CUL4B: variants seen among roughly 807,000 people sequenced by gnomAD.
CUL4B encodes the protein cullin-4B.
A neutral mutation model predicts 69.2 loss-of-function variants in CUL4B; 1 was observed. The ratio of observed to expected loss-of-function variants is 0.01; its 90% CI spans 0.01 to 0.07. The LOEUF (loss-of-function observed/expected upper bound fraction) is 0.07, where lower values mean the gene tolerates loss of function less well. Among genes scored for constraint, CUL4B ranks in the 10% least tolerant of loss-of-function variants. The pLI is 1.00. For synonymous variants in CUL4B, 237 were observed against 223.2 expected (o/e 1.06, Z -0.55); for missense variants, 328 against 638.8 (o/e 0.51, Z 5.24).
chrX:120,555,471 T>C (rs1196774481), intron 2 of CUL4B, among the ~76,000 whole-genome samples: 10 of 111,703 alleles, frequency 9.0e-5, no homozygotes, highest in Admixed American at 9.5e-5. Context: ...ATTTAATTGT[T>C]TCAAACACTG....
intron 16 of CUL4B, 149 bp downstream of exon 16, chrX:120,535,681 G>A: frequency 2.4e-6 from 1 of 410,235 alleles, no homozygotes; most frequent in Non-Finnish European, 4.1e-6. Context: ...ACTCCACTCT[G>A]GTGACAGAGT....
downstream of CUL4B, among the ~76,000 whole-genome samples, chrX:120,569,329 C>G (rs1855924813): frequency 9.1e-6 from 1 of 109,507 alleles, no homozygotes; most frequent in Admixed American, 9.7e-5. Flanking sequence ...AAATGCCCAA[C>G]TTTTAAATTA....
chrX:120,552,814 A>C (rs1924762594), intron 2 of CUL4B, among the ~76,000 whole-genome samples: 1 of 112,533 alleles, frequency 8.9e-6, no homozygotes, highest in African/African-American at 3.2e-5. Flanking sequence ...GTGGAGTCTT[A>C]GTTTTCGAGC....
In CUL4B at chrX:120,560,510, G is replaced by A; in HGVS notation, c.129C>T (p.Ser43=). The part of the protein sequence containing the change: ...PTSAKKRKLN[S]SSSSSSNSSN... ...TACTGTTACTGCTGCTACTGCTGCT[G>A]CTGTTTAACTTTCTCTTCTTGGCAG... Residue 43 remains serine, a synonymous_variant, in exon 1 of 20, where the codon AGC becomes AGT. Transcript: ENST00000371322. 1.2e-5 allele frequency: 15 copies of A among 1,210,755 alleles called. No homozygotes were observed. The highest frequency in any genetic ancestry group is 1.7e-5 in the Non-Finnish European group (15 of 894,902).
intron 2 of CUL4B, among the ~76,000 whole-genome samples, chrX:120,572,314 AATT>A (rs1317256118): frequency 9.2e-6 from 1 of 108,351 alleles, no homozygotes; most frequent in African/African-American, 3.4e-5. Context: ...AAAAATATAA[AATT>A]AGCCGGGTGT....
chrX:120,555,692 A>T (rs1924919770), intron 2 of CUL4B, among the ~76,000 whole-genome samples: 1 of 110,532 alleles, frequency 9.0e-6, no homozygotes, highest in Admixed American at 9.7e-5. Flanking sequence ...CTGTAATCCC[A>T]GCACCTTGGG....
At chrX:120,555,867 G>A (rs1209507407) in intron 2 of CUL4B, among the ~76,000 whole-genome samples, 4 of 105,264 alleles carry the variant, frequency 3.8e-5, no homozygotes, top group Admixed American at 1.0e-4. Context: ...ACTTGAGCCC[G>A]GGAGGTGGAG....
chrX:120,557,879 C>T, intron 2 of CUL4B, 45 bp downstream of exon 2: 3 of 896,671 alleles, frequency 3.3e-6, no homozygotes, highest in Non-Finnish European at 4.8e-6. Flanking sequence ...TACATCCCAC[C>T]TCAATTTATG....
At chrX:120,538,921 A>T (rs1923823635) in intron 12 of CUL4B, 151 bp from the exon 13 acceptor site, 1 of 445,471 alleles carries the variant, frequency 2.2e-6, no homozygotes. Flanking sequence ...AACAGTAGAG[A>T]TCCATTTTTG....
At chrX:120,543,849 T>C in intron 7 of CUL4B, 40 bp from the exon 8 acceptor site, 1 of 999,312 alleles carries the variant, frequency 1.0e-6, no homozygotes, top group African/African-American at 1.9e-5. Flanking sequence ...TTCCTCCCCA[T>C]AAATCATTCA....
intron 1 of CUL4B, among the ~76,000 whole-genome samples, chrX:120,574,942 C>T (rs1173239922): frequency 8.9e-6 from 1 of 112,062 alleles, no homozygotes; most frequent in Admixed American, 9.4e-5. Flanking sequence ...TGAACTCCTA[C>T]GGGCTTGAAT....
At chrX:120,531,069 A>G (rs1923283348) in intron 18 of CUL4B, among the ~76,000 whole-genome samples, 1 of 111,332 alleles carries the variant, frequency 9.0e-6, no homozygotes, top group African/African-American at 3.3e-5. Flanking sequence ...CACACCTATA[A>G]TTCCAGCACT....
intron 5 of CUL4B, 53 bp from the exon 6 acceptor site, chrX:120,544,696 G>A: frequency 9.3e-7 from 1 of 1,072,425 alleles, no homozygotes; most frequent in East Asian, 3.0e-5. Context: ...CACTTCTGAA[G>A]AGGTTTGCTT....
chrX:120,574,566 T>G (rs200034623), exon 2 of CUL4B: 1 of 1,202,782 alleles, frequency 8.3e-7, no homozygotes, highest in East Asian at 3.0e-5. Flanking sequence ...TCTTTAGAGG[T>G]AGTAGCCTCA....
rs746854249 is a variant in CUL4B, at chrX:120,543,041, GA to G, written c.1257-9del. On this transcript the variant is annotated splice_polypyrimidine_tract_variant and intron_variant, in intron 8 of 19. Coordinates refer to ENST00000371322, the MANE Select transcript of CUL4B (RefSeq NM_001079872.2). ...GTAGCAATTAATGACTTCCTACAAG[GA>G]AAAAAAAAAAGGTTAGTATTATTGA... The G allele has an allele frequency of 0.036, 26,583 of 738,157 alleles. 12 individuals are homozygous for G. Among genetic ancestry groups the G allele is most frequent in the Admixed American group, 0.056 (1,462 of 25,902 alleles). The allele number at this position is 738,157 out of a possible 1,213,427, so 60.8% of individuals were successfully genotyped here.
At chrX:120,565,081 T>G (rs773763649), upstream of CUL4B, among the ~76,000 whole-genome samples, 4 of 111,984 alleles carry the variant, frequency 3.6e-5, no homozygotes, top group East Asian at 1.1e-3. Context: ...GACATCTCCC[T>G]AAAAAGGCAG....
intron 10 of CUL4B, among the ~76,000 whole-genome samples, chrX:120,540,816 A>G (rs1447567449): frequency 2.7e-5 from 3 of 112,271 alleles, no homozygotes; most frequent in Non-Finnish European, 3.8e-5. Context: ...TAAAGCTGAT[A>G]GTGAAATGAG....
intron 12 of CUL4B, among the ~76,000 whole-genome samples, chrX:120,539,062 T>C (rs1266361358): frequency 1.8e-5 from 2 of 111,593 alleles, no homozygotes; most frequent in African/African-American, 3.3e-5. Flanking sequence ...TTAAGCCAAG[T>C]AGCAAAAATC....
At chrX:120,543,856 T>A (rs1336720139) in intron 7 of CUL4B, 47 bp from the exon 8 acceptor site, 1 of 965,694 alleles carries the variant, frequency 1.0e-6, no homozygotes, top group African/African-American at 1.9e-5. Context: ...CCATAAATCA[T>A]TCAGAAAATG....
Sources: allele counts gnomAD v4.1 joint callset (sites outside exome capture counted in the v4.1 genomes callset), GRCh38; gene constraint gnomAD v4.1.1; transcripts MANE v1.5; gene names NCBI Gene and HGNC (gene_info 2026-07-23, HGNC 2026-07-21).